The following WWOX variants were observed in gnomAD, a reference collection of about 807,000 sequenced individuals.
WWOX encodes the protein WW domain-containing oxidoreductase.
Under a neutral mutation model 46.2 loss-of-function variants are expected in WWOX, and 69 were observed. The ratio of observed to expected loss-of-function variants is 1.49; its 90% CI spans 1.23 to 1.82. The LOEUF (loss-of-function observed/expected upper bound fraction) is 1.82. Ranked by LOEUF, WWOX falls within the 40% of genes most tolerant of loss-of-function variation. The pLI, the probability that WWOX is intolerant of heterozygous loss-of-function variation, is 0.00. For synonymous variants in WWOX, 359 were observed against 202.6 expected (o/e 1.77, Z -6.56); for missense variants, 919 against 542.6 (o/e 1.69, Z -6.89).
At chr16:78,543,688 A>G (rs1054095194) in intron 8 of WWOX, among the ~76,000 whole-genome samples, 1 of 152,210 alleles carries the variant, frequency 6.6e-6, no homozygotes, top group Admixed American at 6.5e-5. Context: ...TATAAGACCC[A>G]AGACCTTAAC....
intron 8 of WWOX, among the ~76,000 whole-genome samples, chr16:78,704,699 G>A (rs962389364): frequency 6.6e-6 from 1 of 152,126 alleles, no homozygotes; most frequent in Non-Finnish European, 1.5e-5. Flanking sequence ...CTGTGTAATA[G>A]TAAGCAGACA....
At chr16:78,454,084 A>C (rs1199687504) in intron 8 of WWOX, among the ~76,000 whole-genome samples, 1 of 152,196 alleles carries the variant, frequency 6.6e-6, no homozygotes, top group Non-Finnish European at 1.5e-5. Flanking sequence ...ACTAATACCC[A>C]AGAAATTCCC....
intron 8 of WWOX, among the ~76,000 whole-genome samples, chr16:78,762,932 A>G (rs2049829101): frequency 6.6e-6 from 1 of 152,220 alleles, no homozygotes; most frequent in Non-Finnish European, 1.5e-5. Flanking sequence ...TGAGAACAGA[A>G]CGACAAACAA....
chr16:78,478,980 A>G (rs925799627), intron 8 of WWOX, among the ~76,000 whole-genome samples: 4 of 152,092 alleles, frequency 2.6e-5, no homozygotes, highest in Admixed American at 1.3e-4. Context: ...GTAGAAGTTG[A>G]TAATCTGTAT....
intron 5 of WWOX, among the ~76,000 whole-genome samples, chr16:78,316,011 T>C (rs2080349581): frequency 6.6e-6 from 1 of 151,946 alleles, no homozygotes; most frequent in Non-Finnish European, 1.5e-5. Context: ...TTTGGGAGGC[T>C]GAGGTGGGCG....
chr16:78,146,868 T>C (rs3764299), intron 4 of WWOX, among the ~76,000 whole-genome samples: 25,885 of 152,224 alleles, frequency 0.17, 2,281 homozygotes, highest in East Asian at 0.22. Flanking sequence ...GTAAAGAGTA[T>C]AATTTACTTC....
intron 8 of WWOX, among the ~76,000 whole-genome samples, chr16:78,561,884 T>C (rs1017184327): frequency 3.0e-4 from 46 of 152,194 alleles, no homozygotes; most frequent in African/African-American, 1.1e-3. Context: ...TTGAGTGACC[T>C]GATGCAACTC....
intron 8 of WWOX, among the ~76,000 whole-genome samples, chr16:78,699,645 T>G (rs968071644): frequency 6.6e-6 from 1 of 152,202 alleles, no homozygotes; most frequent in African/African-American, 2.4e-5. Context: ...TATCAATGCT[T>G]CTGTGATTTT....
chr16:78,422,663 G>GTATGTGTA (rs1555536293), intron 6 of WWOX, among the ~76,000 whole-genome samples: 2 of 24,382 alleles, frequency 8.2e-5, no homozygotes, highest in Admixed American at 8.6e-4. Context: ...TTTTTTACAT[G>GTATGTGTA]TATATATATA....
Position 78,996,228 on chromosome 16 carries a change from G to A in WWOX, c.1057-215380G>A, listed in dbSNP as rs182884860. The A allele has an allele frequency of 1.4e-4, 141 of 985,042 alleles. 3 individuals are homozygous for A. In the East Asian group the frequency reaches 9.5e-3, roughly 67 times the overall value. 61.0% of individuals were successfully genotyped at this position (985,042 alleles called of 1,614,324 possible). On this transcript the variant is annotated intron_variant, in intron 8 of 8. Transcript: ENST00000566780. ...AATTTTTGAAGACTTGTGGATAGAA[G>A]AAGTAACCTTGAAAAGGGCAGAGCT...
chr16:78,910,818 G>C (rs916080953), intron 8 of WWOX, among the ~76,000 whole-genome samples: 2 of 151,766 alleles, frequency 1.3e-5, no homozygotes, highest in Non-Finnish European at 2.9e-5. Context: ...CCTCTCACCG[G>C]GTCCCTCCCA....
intron 4 of WWOX, among the ~76,000 whole-genome samples, chr16:78,120,578 A>G (rs77314367): frequency 6.8e-6 from 1 of 146,854 alleles, no homozygotes; most frequent in African/African-American, 2.5e-5. Context: ...CTCCGTCTCA[A>G]AAAAAAAAAA....
At chr16:78,424,594 C>T (rs947397159) in intron 6 of WWOX, among the ~76,000 whole-genome samples, 8 of 152,290 alleles carry the variant, frequency 5.3e-5, no homozygotes, top group Admixed American at 5.2e-4. Flanking sequence ...TGCTGCTGTC[C>T]TGGTTTTCAC....
At chr16:79,124,555 A>G (rs74954129) in intron 8 of WWOX, among the ~76,000 whole-genome samples, 2,242 of 152,180 alleles carry the variant, frequency 0.015, 134 homozygotes, top group Admixed American at 0.11. Context: ...CTTTTGTTAT[A>G]CCCGAAGTGC....
intron 5 of WWOX, among the ~76,000 whole-genome samples, chr16:78,194,350 G>A (rs187819155): frequency 3.3e-5 from 5 of 151,648 alleles, no homozygotes; most frequent in Admixed American, 3.3e-4. Flanking sequence ...CAATTTGGGA[G>A]GCCGAGGCGG....
At chr16:78,552,528 G>A (rs908690048) in intron 8 of WWOX, 1 of 152,238 alleles carries the variant, frequency 6.6e-6, no homozygotes, top group Non-Finnish European at 1.5e-5. Flanking sequence ...ATGAGTAGAG[G>A]AGCAGCTGGA....
intron 5 of WWOX, among the ~76,000 whole-genome samples, chr16:78,321,770 C>T (rs1396916959): frequency 2.0e-5 from 3 of 152,084 alleles, no homozygotes; most frequent in Non-Finnish European, 4.4e-5. Context: ...CATCACAGGC[C>T]CTCCCTGTCA....
chr16:78,978,951 C>A (rs2046626336), intron 8 of WWOX, among the ~76,000 whole-genome samples: 2 of 152,090 alleles, frequency 1.3e-5, no homozygotes, highest in African/African-American at 4.8e-5. Flanking sequence ...GATGTCCCTC[C>A]CCACTTTACT....
chr16:79,020,199 A>G (rs930051642), intron 8 of WWOX, among the ~76,000 whole-genome samples: 1 of 152,230 alleles, frequency 6.6e-6, no homozygotes, highest in South Asian at 2.1e-4. Context: ...GAACAATTAT[A>G]ATAAAGCAAC....
Sources: gnomAD v4.1 joint callset for allele counts (sites outside exome capture counted in the v4.1 genomes callset) on GRCh38, gnomAD v4.1.1 for gene constraint, MANE v1.5 for transcripts, NCBI Gene and HGNC (gene_info 2026-07-23, HGNC 2026-07-21) for gene names.